SHTN1: variants seen among roughly 807,000 people sequenced by gnomAD.
SHTN1 encodes shootin-1.
In SHTN1, 42 loss-of-function variants were observed where a neutral mutation model predicts 83.1. That is an observed-to-expected ratio of 0.51 (90% CI 0.39 to 0.65). The LOEUF (loss-of-function observed/expected upper bound fraction) is 0.65. Ranked by LOEUF, SHTN1 falls within the 30% of genes least tolerant of loss-of-function variation. The pLI is 0.00. For missense variants in SHTN1, 622 were observed against 737.8 expected (o/e 0.84, Z 1.82); for synonymous variants, 224 against 247.7 (o/e 0.90, Z 0.90).
chr10:116,923,289 T>C (rs533339535), intron 11 of SHTN1, among the ~76,000 whole-genome samples: 2 of 152,326 alleles, frequency 1.3e-5, no homozygotes, highest in African/African-American at 4.8e-5. Context: ...TACATAGGCT[T>C]GTGTACATAT....
At chr10:116,922,943 G>T (rs903042031) in intron 11 of SHTN1, among the ~76,000 whole-genome samples, 1 of 150,836 alleles carries the variant, frequency 6.6e-6, no homozygotes, top group Non-Finnish European at 1.5e-5. Context: ...TCCAGCCTGG[G>T]CAACAAAAGC....
chr10:117,084,042 G>C (rs1359243169), intron 1 of SHTN1, among the ~76,000 whole-genome samples: 3 of 151,514 alleles, frequency 2.0e-5, no homozygotes, highest in Admixed American at 6.6e-5. Context: ...TCTTCTCTCA[G>C]CTCGTCAAAG....
intron 13 of SHTN1, 94 bp from the exon 14 acceptor site, chr10:116,911,937 A>G (rs1848216952): frequency 9.1e-6 from 8 of 882,654 alleles, no homozygotes; most frequent in Non-Finnish European, 1.5e-5. Flanking sequence ...GTAGCCTTAT[A>G]TTGGTAATAT....
chr10:116,883,001 T>G lies in SHTN1; in HGVS notation c.*3343A>C, dbSNP rs892706828. On this transcript the variant is annotated 3_prime_UTR_variant, in exon 17 of 17. Transcript: ENST00000355371. ...ACACACACACACACACACACACACA[T>G]CATGAGACTATGCCCTGGAACAGTG... 2 of 144,142 alleles carry G rather than the reference T, an allele frequency of 1.4e-5. No individual in the cohort carries two copies. Among genetic ancestry groups the G allele is most frequent in the Non-Finnish European group, 3.0e-5 (2 of 66,742 alleles). The allele number at this position is 144,142 out of a possible 1,614,324, so 8.9% of individuals were successfully genotyped here. A position where few individuals can be genotyped will look rare whatever the true frequency, so the allele number is the denominator to read the frequency against.
At chr10:116,903,750 A>G (rs941518227) in intron 15 of SHTN1, among the ~76,000 whole-genome samples, 1 of 152,212 alleles carries the variant, frequency 6.6e-6, no homozygotes, top group Non-Finnish European at 1.5e-5. Flanking sequence ...CTGTCCTTGT[A>G]AGAAAGATCT....
intron 2 of SHTN1, among the ~76,000 whole-genome samples, chr10:116,975,207 CTAA>C (rs2133472522): frequency 6.6e-6 from 1 of 152,206 alleles, no homozygotes; most frequent in South Asian, 2.1e-4. Context: ...TGCTTATACT[CTAA>C]TATTTTGACA....
At chr10:117,021,463 T>C (rs1852262451) in intron 2 of SHTN1, among the ~76,000 whole-genome samples, 1 of 152,228 alleles carries the variant, frequency 6.6e-6, no homozygotes, top group Admixed American at 6.5e-5. Flanking sequence ...AGAATTCTGA[T>C]ACATTCTTAG....
At chr10:117,070,788 CA>C (rs1308254571) in intron 1 of SHTN1, among the ~76,000 whole-genome samples, 1 of 151,438 alleles carries the variant, frequency 6.6e-6, no homozygotes, top group Non-Finnish European at 1.5e-5. Flanking sequence ...TACTGGAATT[CA>C]ACGTCGAATC....
At position 116,940,557 on chromosome 10, in the gene SHTN1, G is replaced by T. The variant is rs767881410; in HGVS notation, c.767C>A (p.Ser256Tyr). The change falls in exon 9 of 17, where the codon TCC becomes TAC. Residue 256 changes from serine to tyrosine, a missense_variant. Around this residue, in one of 3 missense-constraint regions of SHTN1, gnomAD observed 383 missense variants for 455.8 expected, o/e 0.84. Transcript: ENST00000355371. ...TTTCAAAAGCTGCTGATCAGGGATG[G>T]AGCTCTGCAGCAGAAGGTGGCTTTG... ...KRQSHLLLQS[S>Y]IPDQQLLKAL... The T allele has an allele frequency of 1.9e-5, 31 of 1,613,802 alleles. No individual in the cohort carries two copies. The highest frequency in any genetic ancestry group is 2.6e-5 in the Non-Finnish European group (31 of 1,179,810).
At chr10:117,092,487 A>G (rs1853445052) in intron 1 of SHTN1, among the ~76,000 whole-genome samples, 1 of 152,234 alleles carries the variant, frequency 6.6e-6, no homozygotes, top group African/African-American at 2.4e-5. Context: ...ACAAATGCAG[A>G]CACGGTATTT....
chr10:116,958,082 C>T (rs1040539007), intron 4 of SHTN1, among the ~76,000 whole-genome samples: 1 of 151,994 alleles, frequency 6.6e-6, no homozygotes, highest in African/African-American at 2.4e-5. Context: ...AAGAAAATTA[C>T]GAGGTCAAGC....
Position 116,959,571 on chromosome 10 carries a change from C to A in SHTN1, c.267+565G>T, listed in dbSNP as rs1032650626. 6.6e-5 allele frequency among the ~76,000 whole-genome samples: 10 copies of A among 151,846 alleles called. No individual in the cohort carries two copies. The South Asian group carries it at 1.1e-3, about 17-fold the overall frequency. ...ATACATAAGACAGAGATAAAAAAAA[C>A]ATTCTTTAATAATAATGTACTTCTG... On this transcript the variant is annotated intron_variant, in intron 4 of 16. Transcript: ENST00000355371.
intron 1 of SHTN1, among the ~76,000 whole-genome samples, chr10:117,087,339 G>A (rs1252870898): frequency 1.3e-5 from 2 of 152,084 alleles, no homozygotes; most frequent in Non-Finnish European, 2.9e-5. Context: ...AACCCTACCG[G>A]GTACAAAGAT....
chr10:117,035,898 G>A (rs1180343307), intron 2 of SHTN1, among the ~76,000 whole-genome samples: 1 of 120,148 alleles, frequency 8.3e-6, no homozygotes, highest in African/African-American at 3.1e-5. Context: ...GGTGAGCCGA[G>A]ATTGCACCAC....
intron 5 of SHTN1, among the ~76,000 whole-genome samples, chr10:116,953,537 T>C (rs1424289197): frequency 1.3e-5 from 2 of 151,580 alleles, no homozygotes; most frequent in African/African-American, 4.8e-5. Context: ...GCCTAGGTCC[T>C]ACCCCATCCA....
At chr10:117,015,365 CTT>C (rs1852167459) in intron 2 of SHTN1, among the ~76,000 whole-genome samples, 1 of 152,024 alleles carries the variant, frequency 6.6e-6, no homozygotes, top group Non-Finnish European at 1.5e-5. Flanking sequence ...GAGTTTTGCT[CTT>C]GTCACCCAGG....
intron 1 of SHTN1, among the ~76,000 whole-genome samples, chr10:117,053,522 C>T (rs905076932): frequency 5.3e-5 from 8 of 152,136 alleles, no homozygotes; most frequent in Admixed American, 2.0e-4. Context: ...TACTCAACAT[C>T]ATTAGTCATC....
intron 1 of SHTN1, among the ~76,000 whole-genome samples, chr10:117,108,394 C>A (rs1166924282): frequency 6.6e-6 from 1 of 151,876 alleles, no homozygotes; most frequent in Non-Finnish European, 1.5e-5. Flanking sequence ...AGGATGAGTT[C>A]ATGTCCTTTG....
chr10:117,118,227 TA>T (rs1853875877), intron 1 of SHTN1, among the ~76,000 whole-genome samples: 1 of 151,542 alleles, frequency 6.6e-6, no homozygotes, highest in Non-Finnish European at 1.5e-5. Flanking sequence ...ATAATCCAAT[TA>T]AAAAAGGGCA....
Sources: gnomAD v4.1 joint callset for allele counts (sites outside exome capture counted in the v4.1 genomes callset) on GRCh38, gnomAD v4.1.1 for gene constraint, gnomAD v4.1.1 regional missense constraint, MANE v1.5 for transcripts, NCBI Gene and HGNC (gene_info 2026-07-23, HGNC 2026-07-21) for gene names.